Variants in CNTNAP2 observed in about 807,000 individuals in gnomAD.
CNTNAP2 encodes the protein contactin associated protein 2, also known as contactin-associated protein-like 2.
In CNTNAP2, 98 loss-of-function variants were observed where a neutral mutation model predicts 155.2. The ratio of observed to expected loss-of-function variants is 0.63; its 90% CI spans 0.54 to 0.75. CNTNAP2 has a LOEUF of 0.75. Among genes scored for constraint, CNTNAP2 ranks in the 30% least tolerant of loss-of-function variants. CNTNAP2 has a pLI of 0.00. For synonymous variants in CNTNAP2, 651 were observed against 631.2 expected, an observed-to-expected ratio of 1.03 and a Z score of -0.47; for missense variants, 1,727 against 1,688.1, an observed-to-expected ratio of 1.02 and a Z score of -0.40.
intron 13 of CNTNAP2, among the ~76,000 whole-genome samples, chr7:147,694,623 T>C (rs1796136434): frequency 6.6e-6 from 1 of 152,160 alleles, no homozygotes; most frequent in Non-Finnish European, 1.5e-5. Context: ...TTTAGAATTT[T>C]TCACAGAATT....
intron 15 of CNTNAP2, among the ~76,000 whole-genome samples, chr7:148,068,327 G>C (rs1803309356): frequency 6.6e-6 from 1 of 152,090 alleles, no homozygotes. Context: ...GGCTTCCCTG[G>C]GCACCAGGAA....
chr7:146,620,834 C>A (rs1264076990), intron 1 of CNTNAP2, among the ~76,000 whole-genome samples: 4 of 151,938 alleles, frequency 2.6e-5, no homozygotes, highest in Non-Finnish European at 4.4e-5. Context: ...TTTTTACTTT[C>A]TTTCTTGTAA....
At chr7:148,099,868 G>GTTTTTTTTTTTTTTT (rs751537152) in intron 15 of CNTNAP2, among the ~76,000 whole-genome samples, 4 of 88,806 alleles carry the variant, frequency 4.5e-5, no homozygotes, top group Non-Finnish European at 6.1e-5. Flanking sequence ...TTTTTTTTTG[G>GTTTTTTTTTTTTTTT]TTTTTTTTTT....
chr7:147,726,047 G>A (rs184517265), intron 13 of CNTNAP2, among the ~76,000 whole-genome samples: 2 of 151,604 alleles, frequency 1.3e-5, no homozygotes, highest in East Asian at 1.9e-4. Flanking sequence ...GTATAAAAAG[G>A]CATCTAAAAT....
intron 14 of CNTNAP2, among the ~76,000 whole-genome samples, chr7:147,904,511 A>G (rs1430865564): frequency 5.3e-5 from 8 of 152,132 alleles, no homozygotes; most frequent in African/African-American, 1.9e-4. Context: ...GAGAGGCTCC[A>G]TTTCTGCTTC....
intron 22 of CNTNAP2, among the ~76,000 whole-genome samples, chr7:148,391,601 C>T (rs1799351359): frequency 6.6e-6 from 1 of 152,132 alleles, no homozygotes; most frequent in Non-Finnish European, 1.5e-5. Context: ...AAAAGTAACC[C>T]CCAGCCCTGA....
chr7:147,983,987 C>CA (rs959433561), intron 15 of CNTNAP2, among the ~76,000 whole-genome samples: 5 of 151,972 alleles, frequency 3.3e-5, no homozygotes, highest in African/African-American at 4.8e-5. Context: ...TTTTCCCCCA[C>CA]AAAAAAACTG....
chr7:147,496,181 T>C (rs1391088541), intron 11 of CNTNAP2, among the ~76,000 whole-genome samples: 1 of 140,666 alleles, frequency 7.1e-6, no homozygotes, highest in Admixed American at 7.3e-5. Flanking sequence ...TAGAAATAAA[T>C]TGCAAAATAA....
intron 13 of CNTNAP2, among the ~76,000 whole-genome samples, chr7:147,716,383 T>C (rs1796481435): frequency 6.6e-6 from 1 of 152,046 alleles, no homozygotes. Context: ...AGGGGCTTTA[T>C]AGGTGAGCTG....
intron 8 of CNTNAP2, among the ~76,000 whole-genome samples, chr7:147,295,914 A>T (rs1805433568): frequency 6.6e-6 from 1 of 152,178 alleles, no homozygotes; most frequent in African/African-American, 2.4e-5. Flanking sequence ...TCTGGGTTCT[A>T]ATTTCTCTAG....
At chr7:146,776,092 G>A (rs1186775298) in intron 2 of CNTNAP2, among the ~76,000 whole-genome samples, 1 of 151,890 alleles carries the variant, frequency 6.6e-6, no homozygotes, top group East Asian at 1.9e-4. Context: ...AATATAGACA[G>A]AAAAACATGA....
intron 15 of CNTNAP2, among the ~76,000 whole-genome samples, chr7:148,026,454 A>G (rs2116924969): frequency 6.6e-6 from 1 of 152,142 alleles, no homozygotes; most frequent in South Asian, 2.1e-4. Flanking sequence ...CCGTCTCAAA[A>G]ATATATATAT....
chr7:147,862,589 A>C (rs1799154962), intron 13 of CNTNAP2, among the ~76,000 whole-genome samples: 1 of 151,996 alleles, frequency 6.6e-6, no homozygotes, highest in Admixed American at 6.6e-5. Flanking sequence ...CCCTTACATT[A>C]GCACTCAGCT....
intron 13 of CNTNAP2, among the ~76,000 whole-genome samples, chr7:147,648,531 G>A (rs1362882808): frequency 6.6e-6 from 1 of 152,172 alleles, no homozygotes; most frequent in East Asian, 1.9e-4. Flanking sequence ...GAGTTTTAAT[G>A]GACTCACAGT....
At chr7:147,502,918 C>T (rs1292871123) in intron 11 of CNTNAP2, among the ~76,000 whole-genome samples, 1 of 152,102 alleles carries the variant, frequency 6.6e-6, no homozygotes, top group Non-Finnish European at 1.5e-5. Flanking sequence ...CTCTATTATA[C>T]ACATCAGAAG....
chr7:147,708,579 T>C (rs540550819), intron 13 of CNTNAP2, among the ~76,000 whole-genome samples: 1 of 152,178 alleles, frequency 6.6e-6, no homozygotes, highest in African/African-American at 2.4e-5. Flanking sequence ...GCTTCCTATG[T>C]TAGTCTTGGG....
At chr7:146,209,440 TC>T (rs1461531517) in intron 1 of CNTNAP2, among the ~76,000 whole-genome samples, 1 of 152,160 alleles carries the variant, frequency 6.6e-6, no homozygotes, top group Non-Finnish European at 1.5e-5. Flanking sequence ...AGCATAAGAG[TC>T]CTAAAGTGTC....
chr7:148,114,368 A>G (rs941208011), intron 15 of CNTNAP2, among the ~76,000 whole-genome samples: 1 of 152,198 alleles, frequency 6.6e-6, no homozygotes, highest in Non-Finnish European at 1.5e-5. Flanking sequence ...TTGTAAAAGG[A>G]GTGAAAATGG....
chr7:147,140,694 T>C (rs1041713752), intron 8 of CNTNAP2, among the ~76,000 whole-genome samples: 2 of 152,062 alleles, frequency 1.3e-5, no homozygotes, highest in African/African-American at 4.8e-5. Flanking sequence ...TCCCCTAAGA[T>C]CTTAGCTTTG....
Sources: gnomAD v4.1 joint callset for allele counts (sites outside exome capture counted in the v4.1 genomes callset) on GRCh38, gnomAD v4.1.1 for gene constraint, MANE v1.5 for transcripts, NCBI Gene and HGNC (gene_info 2026-07-23, HGNC 2026-07-21) for gene names.